KLHL2: variants seen among roughly 807,000 people sequenced by gnomAD.
KLHL2 encodes the protein kelch like family member 2.
Under a neutral mutation model 75.8 loss-of-function variants are expected in KLHL2, and 15 were observed. The ratio of observed to expected loss-of-function variants is 0.20; its 90% CI spans 0.13 to 0.30. The LOEUF (loss-of-function observed/expected upper bound fraction) is 0.30, where lower values mean the gene tolerates loss of function less well. Among genes scored for constraint, KLHL2 ranks in the 10% least tolerant of loss-of-function variants. The probability of loss-of-function intolerance (pLI) is 1.00; values close to 1 mark genes in which losing one functional copy is unlikely to be tolerated. For synonymous variants in KLHL2, 214 were observed against 251.9 expected (o/e 0.85, Z 1.42); for missense variants, 381 against 741.0 (o/e 0.51, Z 5.64).
intron 7 of KLHL2, among the ~76,000 whole-genome samples, chr4:165,298,109 A>G (rs1352313830): frequency 6.6e-6 from 1 of 152,152 alleles, no homozygotes; most frequent in East Asian, 1.9e-4. Context: ...AGGCCTTGTG[A>G]GGCACCACAC....
At chr4:165,263,448 A>T in intron 5 of KLHL2, 89 bp downstream of exon 5, 6 of 1,550,060 alleles carry the variant, frequency 3.9e-6, no homozygotes, top group Non-Finnish European at 5.2e-6. Context: ...GTCATGTCAT[A>T]TTTCTGGATC....
rs774193149 is a variant in KLHL2, at chr4:165,314,149, T to C, written c.1592T>C (p.Met531Thr). 1 of 1,612,138 alleles carries C rather than the reference T, an allele frequency of 6.2e-7. No individual in the cohort carries two copies. The highest frequency in any genetic ancestry group is 1.3e-5 in the African/African-American group (1 of 74,966). The change falls in exon 13 of 15, where the codon ATG (methionine) becomes ACG (threonine). Residue 531 changes from methionine to threonine, a missense_variant. Around this residue, in one of 5 missense-constraint regions of KLHL2, gnomAD observed 168 missense variants for 370.4 expected, o/e 0.45. Coordinates refer to ENST00000226725, the MANE Select transcript of KLHL2 (RefSeq NM_007246.4). Reference protein sequence around the residue: ...NAWRQVADMNMCRRNAGVCAV... With the variant: ...NAWRQVADMNTCRRNAGVCAV... ...TGGAGACAGGTTGCAGATATGAACA[T>C]GTGCAGAAGAAATGCAGGTATCTGT...
intron 5 of KLHL2, among the ~76,000 whole-genome samples, chr4:165,264,601 TATATAC>T (rs1005758931): frequency 1.0e-4 from 15 of 144,262 alleles, no homozygotes; most frequent in African/African-American, 2.6e-4. Context: ...TATATATATA[TATATAC>T]ACACACACAC....
intron 2 of KLHL2, among the ~76,000 whole-genome samples, chr4:165,226,339 G>A (rs894704164): frequency 2.6e-5 from 4 of 152,224 alleles, no homozygotes; most frequent in South Asian, 2.1e-4. Context: ...GTCTCCATGC[G>A]ATAGTACATC....
At chr4:165,256,982 A>C (rs1741228006) in intron 4 of KLHL2, among the ~76,000 whole-genome samples, 1 of 152,202 alleles carries the variant, frequency 6.6e-6, no homozygotes, top group Non-Finnish European at 1.5e-5. Flanking sequence ...AGAGCTGAAA[A>C]ATATTCAATT....
At chr4:165,303,494 G>GCCCCCCCCCCCCCCCCCCC (rs35038980) in intron 8 of KLHL2, among the ~76,000 whole-genome samples, 1 of 113,288 alleles carries the variant, frequency 8.8e-6, no homozygotes, top group Non-Finnish European at 2.2e-5. Flanking sequence ...TTACAACCTT[G>GCCCCCCCCCCCCCCCCCCC]CCCCCCCCGC....
intron 4 of KLHL2, among the ~76,000 whole-genome samples, chr4:165,246,643 A>G (rs982349480): frequency 3.3e-5 from 5 of 152,174 alleles, no homozygotes; most frequent in Non-Finnish European, 5.9e-5. Flanking sequence ...TGGCTCCTGC[A>G]TTTTTGGCCT....
rs114347930 is a variant in KLHL2, at chr4:165,297,323, G to A, written c.655-286G>A. Among the ~76,000 whole-genome samples, 802 of 151,914 alleles carry A rather than the reference G, an allele frequency of 5.3e-3. 9 individuals carry two copies. Among genetic ancestry groups the A allele is most frequent in the African/African-American group, 0.018 (745 of 41,418 alleles). ...TGGTCTAACATTTGTTTGTAAACCT[G>A]AAGAAAAAGCCAAACATGAATTGTT... On this transcript the variant is annotated intron_variant, in intron 6 of 14. Coordinates refer to ENST00000226725, the MANE Select transcript of KLHL2 (RefSeq NM_007246.4).
chr4:165,232,506 G>T (rs1579002537), intron 3 of KLHL2, among the ~76,000 whole-genome samples: 1 of 152,062 alleles, frequency 6.6e-6, no homozygotes, highest in South Asian at 2.1e-4. Flanking sequence ...CGAGGTGGCA[G>T]AATTGCTTGA....
intron 5 of KLHL2, among the ~76,000 whole-genome samples, chr4:165,283,483 TG>T (rs1227753093): frequency 2.6e-5 from 4 of 152,336 alleles, no homozygotes; most frequent in Admixed American, 2.6e-4. Context: ...TGAAATCCAG[TG>T]GGGCAGTCAA....
At chr4:165,218,585 A>C (rs1170026513) in intron 1 of KLHL2, among the ~76,000 whole-genome samples, 1 of 151,970 alleles carries the variant, frequency 6.6e-6, no homozygotes, top group African/African-American at 2.4e-5. Flanking sequence ...CCAACATGCC[A>C]GTTGCTTCCC....
chr4:165,242,960 G>A (rs375631052), intron 4 of KLHL2, among the ~76,000 whole-genome samples: 8 of 152,296 alleles, frequency 5.3e-5, no homozygotes, highest in Admixed American at 3.3e-4. Flanking sequence ...TATAAGATAG[G>A]TGTTACCCCA....
chr4:165,246,140 AGTGAT>A (rs1448329879), intron 4 of KLHL2, among the ~76,000 whole-genome samples: 1 of 152,008 alleles, frequency 6.6e-6, no homozygotes, highest in East Asian at 1.9e-4. Context: ...AAGAGAAGGG[AGTGAT>A]GTAAAAGTAA....
At chr4:165,278,631 T>G (rs1743372561) in intron 5 of KLHL2, 6 of 1,591,560 alleles carry the variant, frequency 3.8e-6, no homozygotes, top group Non-Finnish European at 4.3e-6. Flanking sequence ...GAGGTCTTTA[T>G]AATTCCAAGA....
At chr4:165,279,346 C>A (rs1299497840) in intron 5 of KLHL2, 1 of 1,579,278 alleles carries the variant, frequency 6.3e-7, no homozygotes, top group Admixed American at 1.7e-5. Context: ...TTATCTTGTC[C>A]CAGACTACGG....
chr4:165,314,201 G>T, intron 13 of KLHL2, 35 bp downstream of exon 13: 1 of 1,573,014 alleles, frequency 6.4e-7, no homozygotes, highest in South Asian at 1.1e-5. Flanking sequence ...AACTTATGTT[G>T]AATTTTATTT....
chr4:165,253,277 A>G (rs1462805538), intron 4 of KLHL2, among the ~76,000 whole-genome samples: 1 of 152,164 alleles, frequency 6.6e-6, no homozygotes, highest in Non-Finnish European at 1.5e-5. Context: ...CAGGTGATCC[A>G]ACCGCCTCGG....
At chr4:165,230,930 A>C (rs1478225514) in intron 3 of KLHL2, among the ~76,000 whole-genome samples, 3 of 152,190 alleles carry the variant, frequency 2.0e-5, no homozygotes, top group Admixed American at 2.0e-4. Context: ...TGATTTTCTA[A>C]GTATTTATAG....
Position 165,270,304 on chromosome 4 carries a change from T to C in KLHL2, c.544+6945T>C, listed in dbSNP as rs553621857. Among the ~76,000 whole-genome samples, 21 of 152,292 alleles carry C rather than the reference T, an allele frequency of 1.4e-4. No homozygotes were observed. In the South Asian group the frequency reaches 4.1e-3, roughly 30 times the overall value. Reference sequence around the variant, plus strand: ...TCAGAGAAGTTTGTTATTACCAGCCTTCTGAAGCCTACTTCTGTCAATTTG... The same window carrying C: ...TCAGAGAAGTTTGTTATTACCAGCCCTCTGAAGCCTACTTCTGTCAATTTG... On this transcript the variant is annotated intron_variant, in intron 5 of 14. Coordinates refer to ENST00000226725, the MANE Select transcript of KLHL2 (RefSeq NM_007246.4).
Sources: gnomAD v4.1 joint callset for allele counts (sites outside exome capture counted in the v4.1 genomes callset) on GRCh38, gnomAD v4.1.1 for gene constraint, gnomAD v4.1.1 regional missense constraint, MANE v1.5 for transcripts, NCBI Gene and HGNC (gene_info 2026-07-23, HGNC 2026-07-21) for gene names.